Variants in SDR9C7 observed in about 807,000 individuals in gnomAD.
SDR9C7 encodes the protein short-chain dehydrogenase/reductase family 9C member 7.
Under a neutral mutation model 23.6 loss-of-function variants are expected in SDR9C7, and 11 were observed. The observed-to-expected ratio is 0.47, with a 90% CI of 0.29 to 0.77. The LOEUF is 0.77. SDR9C7 is among the 30% of genes least tolerant of loss of function. The probability of loss-of-function intolerance (pLI) is 0.09; values close to 1 mark genes in which losing one functional copy is unlikely to be tolerated. For missense variants in SDR9C7, 387 were observed against 407.1 expected (o/e 0.95, Z 0.42); for synonymous variants, 167 against 157.3 (o/e 1.06, Z -0.46).
At chr12:56,933,156 C>A (rs1300657268) in intron 1 of SDR9C7, among the ~76,000 whole-genome samples, 1 of 152,194 alleles carries the variant, frequency 6.6e-6, no homozygotes, top group Non-Finnish European at 1.5e-5. Flanking sequence ...GTCAAATCAA[C>A]ACCCACCATG....
At chr12:56,924,484 T>C (rs1158651735) in intron 3 of SDR9C7, among the ~76,000 whole-genome samples, 1 of 152,116 alleles carries the variant, frequency 6.6e-6, no homozygotes, top group Non-Finnish European at 1.5e-5. Flanking sequence ...CTTTCTGAAT[T>C]CAACAATTGT....
intron 3 of SDR9C7, among the ~76,000 whole-genome samples, chr12:56,924,801 A>G (rs1002625918): frequency 1.3e-5 from 2 of 152,252 alleles, no homozygotes; most frequent in African/African-American, 2.4e-5. Flanking sequence ...CGTGCCTATA[A>G]TCGCAGCTAC....
rs754008532 is a variant in SDR9C7 at position 56,923,819 on chromosome 12, T to C, written c.*14A>G. On this transcript the variant is annotated 3_prime_UTR_variant, in exon 4 of 4. Transcript: ENST00000293502. ...CCACTTCTAGGCTCCACTGACCCAT[T>C]GATCCTCCCCAGTTTAGACACTGTC... 6 of 1,569,064 alleles carry C rather than the reference T, an allele frequency of 3.8e-6. No individual in the cohort carries two copies. The South Asian group carries it at 4.7e-5, about 12-fold the overall frequency.
Position 56,929,345 on chromosome 12 carries a change from C to A in SDR9C7, c.724+45G>T, listed in dbSNP as rs199646829. On this transcript the variant is annotated intron_variant, in intron 3 of 3. Coordinates refer to ENST00000293502, the MANE Select transcript of SDR9C7 (RefSeq NM_148897.3). The stretch of plus-strand genomic sequence containing the variant: ...GAAAGCCAGCTAATGACCCCAAGAC[C>A]CACTCGCCCCCCTCAGAGACCCCTC... The A allele has an allele frequency of 7.0e-6, 11 of 1,579,120 alleles. No individual in the cohort carries two copies. In the Admixed American group the frequency reaches 1.7e-4, roughly 24 times the overall value.
At position 56,923,916 on chromosome 12, in the gene SDR9C7, A is replaced by G; in HGVS notation, c.859T>C (p.Tyr287His). The G allele has an allele frequency of 6.2e-7, 1 of 1,614,196 alleles. No individual in the cohort carries two copies. The highest frequency in any genetic ancestry group is 8.5e-7 in the Non-Finnish European group (1 of 1,180,016). ...GTGGGCAACTTAGCCAGAGGGATGT[A>G]GAGGAGTTTGGCATCCAGGCCAGGG... is the stretch of plus-strand genomic sequence containing the variant. The part of the protein sequence containing the change: ...YNPGLDAKLL[Y>H]IPLAKLPTPV... Residue 287 changes from tyrosine (Y) to histidine (H), a missense_variant, in exon 4 of 4, where the codon TAC (tyrosine) becomes CAC (histidine). Coordinates refer to ENST00000293502, the MANE Select transcript of SDR9C7 (RefSeq NM_148897.3).
intron 3 of SDR9C7, among the ~76,000 whole-genome samples, chr12:56,925,539 C>T (rs554436323): frequency 6.6e-6 from 1 of 152,372 alleles, no homozygotes; most frequent in East Asian, 1.9e-4. Flanking sequence ...GGCAGCATCA[C>T]TTCAGTCCCC....
chr12:56,934,055 G>C lies in SDR9C7; in HGVS notation c.207C>G (p.Thr69=). The change falls in exon 1 of 4, where the codon ACC becomes ACG. Residue 69 remains threonine, a synonymous_variant. Transcript: ENST00000293502. ...EEGSQKLQRD[T]SYRLQTTLLD... ...GTAGGGTGGTCTGCAGCCGATAGGA[G>C]GTATCCCGCTGAAGTTTCTGGGATC... The C allele has an allele frequency of 1.2e-6, 2 of 1,614,224 alleles. No homozygotes were observed. The highest frequency in any genetic ancestry group is 1.7e-6 in the Non-Finnish European group (2 of 1,180,036).
intron 3 of SDR9C7, among the ~76,000 whole-genome samples, chr12:56,925,229 C>T (rs928187477): frequency 6.6e-6 from 1 of 152,042 alleles, no homozygotes; most frequent in Admixed American, 6.5e-5. Flanking sequence ...GAGATGGGGA[C>T]AGAGCACCCA....
intron 3 of SDR9C7, among the ~76,000 whole-genome samples, chr12:56,928,153 T>C (rs2136367887): frequency 6.6e-6 from 1 of 152,316 alleles, no homozygotes; most frequent in South Asian, 2.1e-4. Context: ...TTCCTCTCCC[T>C]CACCCCTTAA....
At chr12:56,928,250 C>T (rs1033110268) in intron 3 of SDR9C7, among the ~76,000 whole-genome samples, 1 of 152,102 alleles carries the variant, frequency 6.6e-6, no homozygotes, top group South Asian at 2.1e-4. Flanking sequence ...TTTAAAGTTC[C>T]TCAAATGGAG....
intron 3 of SDR9C7, 46 bp downstream of exon 3, chr12:56,929,344 C>T: frequency 6.3e-7 from 1 of 1,577,188 alleles, no homozygotes; most frequent in Non-Finnish European, 8.7e-7. Context: ...GACCCCAAGA[C>T]CCACTCGCCC....
rs1293930414 is a variant in SDR9C7 at position 56,923,869 on chromosome 12, T to A, written c.906A>T (p.Leu302=). Residue 302 remains leucine, a synonymous_variant, in exon 4 of 4, where the codon CTA becomes CTT. Coordinates refer to ENST00000293502, the MANE Select transcript of SDR9C7 (RefSeq NM_148897.3). ...KLPTPVTDFI[L]SRYLPRPADS... is the part of the protein sequence containing the mutation. Reference sequence around the variant, plus strand: ...CCGCTGGCCTTGGAAGGTACCGGCTTAGGATGAAATCTGTCACAGGGGTGG... The same window carrying A: ...CCGCTGGCCTTGGAAGGTACCGGCTAAGGATGAAATCTGTCACAGGGGTGG... The A allele has an allele frequency of 1.2e-6, 2 of 1,613,576 alleles. No homozygotes were observed. The highest frequency in any genetic ancestry group is 1.7e-6 in the Non-Finnish European group (2 of 1,179,760).
intron 3 of SDR9C7, among the ~76,000 whole-genome samples, chr12:56,924,627 A>G (rs866443708): frequency 3.3e-5 from 5 of 152,160 alleles, no homozygotes; most frequent in Non-Finnish European, 4.4e-5. Flanking sequence ...AGATAATACT[A>G]TCTTTCCTAA....
In SDR9C7 at chr12:56,923,813, A is replaced by C; in HGVS notation, c.*20T>G. On this transcript the variant is annotated 3_prime_UTR_variant, in exon 4 of 4. Transcript: ENST00000293502. ...CCTCCCCCACTTCTAGGCTCCACTG[A>C]CCCATTGATCCTCCCCAGTTTAGAC... 6.5e-7 allele frequency: 1 copy of C among 1,548,946 alleles called. No homozygotes were observed. The highest frequency in any genetic ancestry group is 8.8e-7 in the Non-Finnish European group (1 of 1,135,498).
rs961745996 is a variant in SDR9C7 at position 56,923,738 on chromosome 12, T to A, written c.*95A>T. On this transcript the variant is annotated 3_prime_UTR_variant, in exon 4 of 4. Transcript: ENST00000293502. The stretch of plus-strand genomic sequence containing the variant: ...TGAGCCAAGCTTCCTTTGCAGCCAA[T>A]GCCCCCAGGATAACCGATACCACCT... The A allele has an allele frequency of 1.0e-6, 1 of 1,001,758 alleles. No individual in the cohort carries two copies. The highest frequency in any genetic ancestry group is 1.6e-5 in the African/African-American group (1 of 61,542). 62.1% of individuals were successfully genotyped at this position (1,001,758 alleles called of 1,614,324 possible). A position where few individuals can be genotyped will look rare whatever the true frequency, so the allele number is the denominator to read the frequency against.
At chr12:56,928,727 T>G (rs1298497368) in intron 3 of SDR9C7, among the ~76,000 whole-genome samples, 1 of 152,180 alleles carries the variant, frequency 6.6e-6, no homozygotes, top group African/African-American at 2.4e-5. Context: ...GCAGACAACT[T>G]TCGTGGCAGA....
intron 1 of SDR9C7, 91 bp from the exon 2 acceptor site, chr12:56,930,575 G>A: frequency 7.1e-7 from 1 of 1,412,998 alleles, no homozygotes; most frequent in South Asian, 1.3e-5. Context: ...CTCAAGGATG[G>A]TTGAGCAGGT....
chr12:56,931,227 G>A (rs1955766835), intron 1 of SDR9C7, among the ~76,000 whole-genome samples: 2 of 152,024 alleles, frequency 1.3e-5, no homozygotes, highest in South Asian at 4.2e-4. Flanking sequence ...CAGCCTGGGT[G>A]ACAGAGTGAG....
chr12:56,934,065 T>C lies in SDR9C7; in HGVS notation c.197A>G (p.Gln66Arg), dbSNP rs1239426791. 4 of 1,614,096 alleles carry C rather than the reference T, an allele frequency of 2.5e-6. No individual in the cohort carries two copies. In the African/African-American group the frequency reaches 4.0e-5, roughly 16 times the overall value. ...CTGCAGCCGATAGGAGGTATCCCGC[T>C]GAAGTTTCTGGGATCCCTCCTCAGT... ...CFTEEGSQKL[Q>R]RDTSYRLQTT... Residue 66 changes from glutamine to arginine, a missense_variant, in exon 1 of 4, where the codon CAG (glutamine) becomes CGG (arginine). Physicochemically the swap from Gln to Arg is conservative, Grantham distance 43. Transcript: ENST00000293502.
Sources: gnomAD v4.1 joint callset for allele counts (sites outside exome capture counted in the v4.1 genomes callset) on GRCh38, gnomAD v4.1.1 for gene constraint, MANE v1.5 for transcripts, NCBI Gene and HGNC (gene_info 2026-07-23, HGNC 2026-07-21) for gene names.